Variants in WDR25 observed in about 807,000 individuals in gnomAD.
WDR25 encodes WD repeat-containing protein 25.
WDR25 carries 35 observed loss-of-function variants against 47.7 expected under a neutral mutation model. That is an observed-to-expected ratio of 0.73 (90% CI 0.56 to 0.97). The LOEUF (loss-of-function observed/expected upper bound fraction) is 0.97, where lower values mean the gene tolerates loss of function less well. Among genes scored for constraint, WDR25 ranks in the 50% least tolerant of loss-of-function variants. The probability of loss-of-function intolerance (pLI) is 0.00; values close to 1 mark genes in which losing one functional copy is unlikely to be tolerated. For missense variants in WDR25, 634 were observed against 704.7 expected (o/e 0.90, Z 1.14); for synonymous variants, 248 against 278.9 (o/e 0.89, Z 1.10).
intron 3 of WDR25, among the ~76,000 whole-genome samples, chr14:100,475,502 T>A (rs1899987855): frequency 6.6e-6 from 1 of 152,140 alleles, no homozygotes; most frequent in South Asian, 2.1e-4. Context: ...CTGGAGGACA[T>A]TACAATAAGT....
chr14:100,379,613 C>G (rs1896824391), intron 1 of WDR25, among the ~76,000 whole-genome samples: 1 of 152,004 alleles, frequency 6.6e-6, no homozygotes, highest in African/African-American at 2.4e-5. Flanking sequence ...GTCTTGAACT[C>G]CTGACCTCAG....
At position 100,460,459 on chromosome 14, in the gene WDR25, A is replaced by G. The variant is rs116788300; in HGVS notation, c.823-7562A>G. Among the ~76,000 whole-genome samples, 1,286 of 152,280 alleles carry G rather than the reference A, an allele frequency of 8.4e-3. 20 individuals carry two copies. The highest frequency in any genetic ancestry group is 0.03 in the African/African-American group (1,237 of 41,538). ...TTTTAGCAAATCAATCCAACTACAT[A>G]TATGTGCATATCATGACCAAGGAGG... On this transcript the variant is annotated intron_variant, in intron 2 of 6. Coordinates refer to ENST00000402312, the MANE Select transcript of WDR25 (RefSeq NM_001161476.3).
At chr14:100,466,062 A>C (rs144076961) in intron 2 of WDR25, among the ~76,000 whole-genome samples, 2 of 152,166 alleles carry the variant, frequency 1.3e-5, no homozygotes, top group Admixed American at 1.3e-4. Context: ...ACTCATATTC[A>C]TACATATTTT....
chr14:100,389,647 C>T (rs1897094758), intron 2 of WDR25, among the ~76,000 whole-genome samples: 1 of 152,220 alleles, frequency 6.6e-6, no homozygotes, highest in Admixed American at 6.5e-5. Flanking sequence ...GGCAGGCTTC[C>T]TGAAGTTTCC....
intron 2 of WDR25, among the ~76,000 whole-genome samples, chr14:100,417,520 ACT>A (rs1897902586): frequency 6.6e-6 from 1 of 151,834 alleles, no homozygotes; most frequent in Non-Finnish European, 1.5e-5. Flanking sequence ...TGCTCCAGCC[ACT>A]CTTCCCTGGT....
intron 2 of WDR25, among the ~76,000 whole-genome samples, chr14:100,402,900 C>T (rs993753998): frequency 3.3e-5 from 5 of 152,108 alleles, no homozygotes; most frequent in African/African-American, 1.2e-4. Flanking sequence ...GTGCAGCCAG[C>T]CAGCACTTAG....
intron 2 of WDR25, among the ~76,000 whole-genome samples, chr14:100,388,066 G>A (rs779849752): frequency 1.3e-5 from 2 of 152,212 alleles, no homozygotes; most frequent in African/African-American, 2.4e-5. Flanking sequence ...TTTCAGTTTT[G>A]AAAGAATTAT....
chr14:100,451,955 A>T (rs1418565743), intron 2 of WDR25, among the ~76,000 whole-genome samples: 1 of 152,200 alleles, frequency 6.6e-6, no homozygotes, highest in Non-Finnish European at 1.5e-5. Context: ...CAAAGCTAGG[A>T]TAGCCATTCT....
At chr14:100,522,988 AG>A (rs1344435102) in intron 4 of WDR25, among the ~76,000 whole-genome samples, 2 of 152,176 alleles carry the variant, frequency 1.3e-5, no homozygotes, top group Non-Finnish European at 1.5e-5. Flanking sequence ...TGGCTCAATC[AG>A]GGCCAGGGGA....
At chr14:100,393,552 G>A (rs1400696765) in intron 2 of WDR25, among the ~76,000 whole-genome samples, 1 of 152,226 alleles carries the variant, frequency 6.6e-6, no homozygotes, top group Non-Finnish European at 1.5e-5. Context: ...GGAACGAGGT[G>A]TATTCGGGTT....
intron 2 of WDR25, chr14:100,454,452 CT>C (rs1899137114): frequency 6.2e-6 from 8 of 1,286,922 alleles, no homozygotes; most frequent in Non-Finnish European, 8.1e-6. Context: ...TTATGTTTGG[CT>C]TCCAGTAATG....
rs1168004409 is a variant in WDR25, at chr14:100,404,305, C to T, written c.822+22559C>T. ...GCTGTTTGCTCCCAAAGTCTATGTT[C>T]GTTCCACTCTCCCACGCCAGCCCGT... is the stretch of plus-strand genomic sequence containing the variant. On this transcript the variant is annotated intron_variant, in intron 2 of 6. Transcript: ENST00000402312. This position sits in a 1 kb window ranked among gnomAD's most constrained non-coding sequence, Gnocchi z 4.6. Among the ~76,000 whole-genome samples the T allele has an allele frequency of 2.0e-5, 3 of 152,222 alleles. No individual in the cohort carries two copies. The highest frequency in any genetic ancestry group is 7.2e-5 in the African/African-American group (3 of 41,456).
At chr14:100,410,534 G>T (rs1370940568) in intron 2 of WDR25, among the ~76,000 whole-genome samples, 1 of 152,128 alleles carries the variant, frequency 6.6e-6, no homozygotes, top group Non-Finnish European at 1.5e-5. Flanking sequence ...AAAATGGCTG[G>T]GTGGGTAGGG....
chr14:100,416,211 G>T (rs1897864063), intron 2 of WDR25, among the ~76,000 whole-genome samples: 2 of 152,196 alleles, frequency 1.3e-5, no homozygotes, highest in African/African-American at 4.8e-5. Flanking sequence ...CCTGTGAAGG[G>T]TATTCATTTT....
rs367810609 is a variant in WDR25 at position 100,496,721 on chromosome 14, C to T, written c.1101+12597C>T. On this transcript the variant is annotated intron_variant, in intron 4 of 6. Transcript: ENST00000402312. ...CAAATACTTTCTAATTTTCTTTAGA[C>T]TTTCTCTTTGACATGTGGGCTATTT... 1.3e-4 allele frequency among the ~76,000 whole-genome samples: 20 copies of T among 151,316 alleles called. No individual in the cohort carries two copies. The South Asian group carries it at 4.2e-3, about 31-fold the overall frequency.
At chr14:100,465,778 A>G (rs1483987152) in intron 2 of WDR25, among the ~76,000 whole-genome samples, 1 of 152,198 alleles carries the variant, frequency 6.6e-6, no homozygotes, top group Admixed American at 6.5e-5. Flanking sequence ...TTGAGGAACC[A>G]TCATGCTGTT....
At chr14:100,411,769 C>T (rs1595511885) in intron 2 of WDR25, among the ~76,000 whole-genome samples, 1 of 152,294 alleles carries the variant, frequency 6.6e-6, no homozygotes, top group East Asian at 1.9e-4. Flanking sequence ...CTCCGGACCT[C>T]AGGTGATCCA....
chr14:100,527,115 C>A (rs1448254038), intron 5 of WDR25, among the ~76,000 whole-genome samples: 3 of 151,312 alleles, frequency 2.0e-5, no homozygotes, highest in Non-Finnish European at 2.9e-5. Context: ...CATTACACCA[C>A]CCCATCTCTG....
chr14:100,510,659 C>T (rs925275747), intron 4 of WDR25, among the ~76,000 whole-genome samples: 28 of 151,670 alleles, frequency 1.8e-4, no homozygotes, highest in African/African-American at 6.6e-4. Flanking sequence ...TCACTTGAAC[C>T]CGGGAGCCGG....
Sources: allele counts gnomAD v4.1 joint callset (sites outside exome capture counted in the v4.1 genomes callset), GRCh38; gene constraint gnomAD v4.1.1; non-coding constraint Gnocchi (gnomAD v3.1); transcripts MANE v1.5; gene names NCBI Gene and HGNC (gene_info 2026-07-23, HGNC 2026-07-21).